Variants in MYCBP2 observed in about 807,000 individuals in gnomAD.
MYCBP2 encodes MYC binding protein 2.
In MYCBP2, 120 loss-of-function variants were observed where a neutral mutation model predicts 525.3. The ratio of observed to expected loss-of-function variants is 0.23; its 90% CI spans 0.20 to 0.27. MYCBP2 has a LOEUF of 0.27. Ranked by LOEUF, MYCBP2 falls within the 10% of genes least tolerant of loss-of-function variation. The probability of loss-of-function intolerance (pLI) is 1.00; values close to 1 mark genes in which losing one functional copy is unlikely to be tolerated. For missense variants in MYCBP2, 4,149 were observed against 5,657.1 expected, an observed-to-expected ratio of 0.73 and a Z score of 8.55; for synonymous variants, 1,894 against 1,955.8, an observed-to-expected ratio of 0.97 and a Z score of 0.83.
rs779969571 is a variant in MYCBP2 at position 77,111,436 on chromosome 13, CT to C, written c.8140+9936del. Reference sequence around the variant, plus strand: ...CTAACTTTAATCAGCATGTCACTTCCTTTTTTTTTTTTTTTTTAAGAGGCAG... The same window carrying C: ...CTAACTTTAATCAGCATGTCACTTCCTTTTTTTTTTTTTTTTAAGAGGCAG... On this transcript the variant is annotated intron_variant, in intron 55 of 82. Transcript: ENST00000544440. 7.2e-3 allele frequency among the ~76,000 whole-genome samples: 984 copies of C among 136,988 alleles called. 3 individuals carry two copies. Among genetic ancestry groups the C allele is most frequent in the African/African-American group, 0.011 (412 of 37,616 alleles). The allele number at this position is 136,988 out of a possible 152,430, so 89.9% of individuals were successfully genotyped here.
chr13:77,277,503 G>C (rs2075756487), intron 4 of MYCBP2, among the ~76,000 whole-genome samples: 1 of 152,090 alleles, frequency 6.6e-6, no homozygotes, highest in African/African-American at 2.4e-5. Flanking sequence ...CACAATAACT[G>C]AGTCCCCACA....
At chr13:77,242,335 T>G (rs2068993044) in intron 17 of MYCBP2, among the ~76,000 whole-genome samples, 1 of 152,172 alleles carries the variant, frequency 6.6e-6, no homozygotes, top group South Asian at 2.1e-4. Flanking sequence ...AGGATGGTCT[T>G]GATCTCTTGA....
chr13:77,169,847 A>T, intron 38 of MYCBP2, 133 bp from the exon 39 acceptor site: 2 of 724,864 alleles, frequency 2.8e-6, no homozygotes, highest in Admixed American at 2.6e-5. Flanking sequence ...GTGCTTGTCA[A>T]GGGCCTGGTA....
chr13:77,270,554 GAAAAATAATGAAA>G lies in MYCBP2; in HGVS notation c.946-29_946-17del, dbSNP rs762887851. The G allele has an allele frequency of 2.9e-5, 45 of 1,565,488 alleles. No homozygotes were observed. The highest frequency in any genetic ancestry group is 3.6e-5 in the Non-Finnish European group (42 of 1,156,088). ...TTGTTGGCACCTAATCAAAAGAGAA[GAAAAATAATGAAA>G]AAACATTTTTAAATGTTACAAACAC... On this transcript the variant is annotated splice_polypyrimidine_tract_variant and intron_variant, in intron 5 of 82. Transcript: ENST00000544440.
intron 1 of MYCBP2, among the ~76,000 whole-genome samples, chr13:77,313,370 T>C (rs773831098): frequency 2.6e-5 from 4 of 151,846 alleles, no homozygotes; most frequent in Non-Finnish European, 4.4e-5. Flanking sequence ...GCCAATGAAA[T>C]AGAAAACAGA....
intron 55 of MYCBP2, among the ~76,000 whole-genome samples, chr13:77,118,046 T>C (rs1174054092): frequency 1.3e-5 from 2 of 152,038 alleles, no homozygotes; most frequent in African/African-American, 4.8e-5. Context: ...CTGATAAGAG[T>C]GAAATGGCTT....
At chr13:77,280,478 C>T (rs2076076975) in intron 3 of MYCBP2, among the ~76,000 whole-genome samples, 1 of 152,202 alleles carries the variant, frequency 6.6e-6, no homozygotes. Flanking sequence ...TATTCTCAAG[C>T]CAATGGAAGA....
chr13:77,250,711 T>C (rs1279276880), intron 15 of MYCBP2, among the ~76,000 whole-genome samples: 2 of 152,216 alleles, frequency 1.3e-5, no homozygotes, highest in African/African-American at 4.8e-5. Context: ...CGTTTCTAAA[T>C]TTATAAATGG....
rs2060078363 is a variant in MYCBP2, at chr13:77,180,083, T to G, written c.5133+44A>C. On this transcript the variant is annotated intron_variant, in intron 34 of 82. Transcript: ENST00000544440. ...TGAAAAAAGAAACTGTGTAAAAAAC[T>G]TACACATGTGCTTTTTATCCAGTGT... 2.7e-6 allele frequency: 4 copies of G among 1,483,164 alleles called. No homozygotes were observed. The African/African-American group carries it at 4.2e-5, about 16-fold the overall frequency. 91.9% of individuals were successfully genotyped at this position (1,483,164 alleles called of 1,614,324 possible). A position where few individuals can be genotyped will look rare whatever the true frequency, so the allele number is the denominator to read the frequency against.
intron 65 of MYCBP2, chr13:77,080,676 T>G (rs746916709): frequency 6.6e-6 from 1 of 152,382 alleles, no homozygotes; most frequent in Non-Finnish European, 1.5e-5. Flanking sequence ...GTGCAGTGGC[T>G]CATGTCTGTA....
chr13:77,199,144 T>A (rs1456491297), intron 26 of MYCBP2, among the ~76,000 whole-genome samples: 1 of 152,194 alleles, frequency 6.6e-6, no homozygotes, highest in Non-Finnish European at 1.5e-5. Flanking sequence ...TTCATCTCAC[T>A]AGGGAGTGCC....
At chr13:77,297,144 T>C (rs2078277351) in intron 1 of MYCBP2, among the ~76,000 whole-genome samples, 3 of 152,240 alleles carry the variant, frequency 2.0e-5, no homozygotes, top group Admixed American at 2.0e-4. Context: ...CCAGTCTGGA[T>C]ACTTCATTAT....
intron 68 of MYCBP2, among the ~76,000 whole-genome samples, chr13:77,071,418 T>C (rs551948018): frequency 9.9e-5 from 15 of 152,114 alleles, no homozygotes; most frequent in Non-Finnish European, 1.6e-4. Context: ...GAATCAAAAA[T>C]GATGCTTGGT....
intron 2 of MYCBP2, among the ~76,000 whole-genome samples, chr13:77,289,851 A>T (rs1236390726): frequency 2.6e-5 from 4 of 152,128 alleles, no homozygotes; most frequent in Non-Finnish European, 5.9e-5. Flanking sequence ...ACAGGATATA[A>T]AATTACTATA....
chr13:77,090,540 A>G lies in MYCBP2; in HGVS notation c.10368-277T>C, dbSNP rs182809723. ...AGGTTTCCAAGCTCCTTTTAGAATC[A>G]AAAGCACTGGGGTGGAATTCATGTA... On this transcript the variant is annotated intron_variant, in intron 59 of 82. Transcript: ENST00000544440. 7 of 229,228 alleles carry G rather than the reference A, an allele frequency of 3.1e-5. No homozygotes were observed. The East Asian group carries it at 6.5e-4, about 21-fold the overall frequency. The allele number at this position is 229,228 out of a possible 1,614,324, so 14.2% of individuals were successfully genotyped here. A position where few individuals can be genotyped will look rare whatever the true frequency, so the allele number is the denominator to read the frequency against.
Position 77,326,815 on chromosome 13 carries a change from G to C in MYCBP2, c.-40C>G. 1 of 1,386,030 alleles carries C rather than the reference G, an allele frequency of 7.2e-7. No homozygotes were observed. The highest frequency in any genetic ancestry group is 3.1e-5 in the East Asian group (1 of 32,750). The allele number at this position is 1,386,030 out of a possible 1,614,324, so 85.9% of individuals were successfully genotyped here. A position where few individuals can be genotyped will look rare whatever the true frequency, so the allele number is the denominator to read the frequency against. ...CCGCCGCCGCCGCCTCGTCCCCGCG[G>C]GCCGGGCGGGCAGACACGCGCGCGC... On this transcript the variant is annotated 5_prime_UTR_variant, in exon 1 of 83. Transcript: ENST00000544440. This position sits in a 1 kb window ranked among gnomAD's most constrained non-coding sequence, Gnocchi z 4.2.
rs1219143237 is a variant in MYCBP2 at position 77,176,494 on chromosome 13, T to C, written c.5472+3A>G. On this transcript the variant is annotated splice_donor_region_variant and intron_variant, in intron 36 of 82. Coordinates refer to ENST00000544440, the MANE Select transcript of MYCBP2 (RefSeq NM_015057.5). ...CACAATAGAAACATTCAGTTGAAAC[T>C]ACCTTTAAAGGAACCACTTTGTCAA... is the stretch of plus-strand genomic sequence containing the variant. The C allele has an allele frequency of 6.4e-7, 1 of 1,573,846 alleles. No individual in the cohort carries two copies. The highest frequency in any genetic ancestry group is 2.2e-5 in the East Asian group (1 of 44,504).
At chr13:77,088,688 T>G (rs2044808374) in intron 61 of MYCBP2, 144 bp downstream of exon 61, 2 of 598,910 alleles carry the variant, frequency 3.3e-6, no homozygotes, top group African/African-American at 1.9e-5. Flanking sequence ...AGTCTGATTT[T>G]TATAGGAACA....
chr13:77,325,270 T>C (rs532858507), intron 1 of MYCBP2, among the ~76,000 whole-genome samples: 2 of 152,328 alleles, frequency 1.3e-5, no homozygotes, highest in East Asian at 3.9e-4. Context: ...GCCTAATAAA[T>C]TGCACATTCA....
Sources: allele counts gnomAD v4.1 joint callset (sites outside exome capture counted in the v4.1 genomes callset), GRCh38; gene constraint gnomAD v4.1.1; non-coding constraint Gnocchi (gnomAD v3.1); transcripts MANE v1.5; gene names NCBI Gene and HGNC (gene_info 2026-07-23, HGNC 2026-07-21).